FBN2: variants seen among roughly 807,000 people sequenced by gnomAD.
The protein encoded by FBN2 is fibrillin 2, also known as fibrillin-2.
Under a neutral mutation model 355.6 loss-of-function variants are expected in FBN2, and 105 were observed. That is an observed-to-expected ratio of 0.30 (90% CI 0.25 to 0.35). The LOEUF is 0.35. Ranked by LOEUF, FBN2 falls within the 10% of genes least tolerant of loss-of-function variation. FBN2 has a pLI of 1.00. For synonymous variants in FBN2, 1,350 were observed against 1,301.2 expected (o/e 1.04, Z -0.81); for missense variants, 3,280 against 3,758.7 (o/e 0.87, Z 3.33).
chr5:128,361,660 T>C (rs1468873282), intron 19 of FBN2, 63 bp downstream of exon 19: 8 of 1,551,488 alleles, frequency 5.2e-6, no homozygotes, highest in Middle Eastern at 1.7e-4. Context: ...ATCACTGTAA[T>C]TGATGTTTAT....
In FBN2 at chr5:128,536,385, C is replaced by T. The variant is rs1230245201; in HGVS notation, c.337+17G>A. 6.2e-7 allele frequency: 1 copy of T among 1,610,300 alleles called. No homozygotes were observed. The highest frequency in any genetic ancestry group is 2.2e-5 in the East Asian group (1 of 44,874). Reference sequence around the variant, plus strand: ...CGAGTGCGCTGCCCCAAGCTGCGATCCCTGCCAAGCACTCACGGACAATGC... The same window carrying T: ...CGAGTGCGCTGCCCCAAGCTGCGATTCCTGCCAAGCACTCACGGACAATGC... On this transcript the variant is annotated intron_variant, in intron 2 of 64. Transcript: ENST00000262464.
intron 7 of FBN2, among the ~76,000 whole-genome samples, chr5:128,442,968 C>T (rs890316155): frequency 1.3e-5 from 2 of 152,048 alleles, no homozygotes; most frequent in African/African-American, 2.4e-5. Context: ...TGAATGCTGC[C>T]CCCAGCATTA....
chr5:128,261,904 G>A lies in FBN2; in HGVS notation c.8196C>T (p.His2732=), dbSNP rs780426123. ...TGTTAAATCCCATTCCTGAGACACAGTGGCTATTTGCAAAAAGCAAAGTAT... is the reference window on the plus strand; with the variant it reads ...TGTTAAATCCCATTCCTGAGACACAATGGCTATTTGCAAAAAGCAAAGTAT... ...PPGYYRVGQG[H]CVSGMGFNKG... Residue 2732 remains histidine, a synonymous_variant, in exon 64 of 65, where the codon CAC becomes CAT. Coordinates refer to ENST00000262464, the MANE Select transcript of FBN2 (RefSeq NM_001999.4). 6.8e-6 allele frequency: 11 copies of A among 1,613,764 alleles called. No homozygotes were observed. Among genetic ancestry groups the A allele is most frequent in the Non-Finnish European group, 9.3e-6 (11 of 1,179,746 alleles).
chr5:128,523,929 T>C (rs1756500724), intron 4 of FBN2, among the ~76,000 whole-genome samples: 1 of 152,064 alleles, frequency 6.6e-6, no homozygotes, highest in South Asian at 2.1e-4. Flanking sequence ...TTTCCTTTTC[T>C]CTGTTATAAT....
At chr5:128,460,124 C>G (rs1754518447) in intron 6 of FBN2, among the ~76,000 whole-genome samples, 1 of 152,178 alleles carries the variant, frequency 6.6e-6, no homozygotes, top group Admixed American at 6.5e-5. Flanking sequence ...TCTCAGGATA[C>G]AAAATCGGTG....
chr5:128,454,217 G>GT (rs1262532110), intron 6 of FBN2, among the ~76,000 whole-genome samples: 1 of 152,134 alleles, frequency 6.6e-6, no homozygotes, highest in Non-Finnish European at 1.5e-5. Context: ...CTCATCACTG[G>GT]TTTTGTTCCA....
intron 21 of FBN2, among the ~76,000 whole-genome samples, chr5:128,350,326 G>A (rs1424641504): frequency 6.6e-6 from 1 of 152,292 alleles, no homozygotes; most frequent in South Asian, 2.1e-4. Context: ...TTGGGAGGGT[G>A]GATTACTTGA....
At chr5:128,330,487 T>A in intron 33 of FBN2, 86 bp downstream of exon 33, 1 of 1,459,126 alleles carries the variant, frequency 6.9e-7, no homozygotes. Context: ...TTTTGTCTCC[T>A]TTAATTATAA....
intron 6 of FBN2, among the ~76,000 whole-genome samples, chr5:128,455,630 A>G (rs1337406242): frequency 6.6e-6 from 1 of 152,106 alleles, no homozygotes; most frequent in Admixed American, 6.5e-5. Flanking sequence ...AAAGTTGACT[A>G]GAAGGCTGGC....
In FBN2 at chr5:128,334,599, C is replaced by T. The variant is rs1750785668; in HGVS notation, c.4099+120G>A. 5 of 1,051,246 alleles carry T rather than the reference C, an allele frequency of 4.8e-6. No homozygotes were observed. In the East Asian group the frequency reaches 9.6e-5, roughly 20 times the overall value. The allele number at this position is 1,051,246 out of a possible 1,614,324, so 65.1% of individuals were successfully genotyped here. A position where few individuals can be genotyped will look rare whatever the true frequency, so the allele number is the denominator to read the frequency against. ...CTATAGGTCACACACTCATCACACA[C>T]ACAGTCACAGTCTGGTGGCAGGTAA... On this transcript the variant is annotated intron_variant, in intron 31 of 64. Coordinates refer to ENST00000262464, the MANE Select transcript of FBN2 (RefSeq NM_001999.4).
intron 55 of FBN2, 94 bp downstream of exon 55, chr5:128,286,624 G>T: frequency 6.9e-7 from 1 of 1,440,404 alleles, no homozygotes. Context: ...TGGAAAAAGA[G>T]TTGGCTTGCA....
chr5:128,394,155 T>C, intron 9 of FBN2, among the ~76,000 whole-genome samples: 1 of 152,208 alleles, frequency 6.6e-6, no homozygotes, highest in East Asian at 1.9e-4. Flanking sequence ...CTGTTAACAG[T>C]ACATATTGGC....
intron 16 of FBN2, among the ~76,000 whole-genome samples, chr5:128,368,824 C>T (rs1751854148): frequency 6.6e-6 from 1 of 151,114 alleles, no homozygotes. Flanking sequence ...GTGTGTGCCA[C>T]CACACCCAGC....
chr5:128,497,754 A>G (rs1285482209), intron 5 of FBN2, among the ~76,000 whole-genome samples: 3 of 152,202 alleles, frequency 2.0e-5, no homozygotes, highest in Non-Finnish European at 4.4e-5. Flanking sequence ...AATTAACACA[A>G]AATCTCCAAA....
intron 20 of FBN2, among the ~76,000 whole-genome samples, chr5:128,356,407 A>C (rs1751504379): frequency 6.6e-6 from 1 of 152,282 alleles, no homozygotes; most frequent in South Asian, 2.1e-4. Flanking sequence ...GTCTTCGACA[A>C]ATATGAAACT....
intron 5 of FBN2, among the ~76,000 whole-genome samples, 155 bp downstream of exon 5, chr5:128,519,118 A>G (rs1234795275): frequency 4.6e-5 from 7 of 152,228 alleles, no homozygotes; most frequent in Admixed American, 3.9e-4. Flanking sequence ...ACTATTAGCT[A>G]TGTCTCAAAA....
chr5:128,412,306 A>G (rs1753089856), intron 7 of FBN2, among the ~76,000 whole-genome samples: 2 of 152,250 alleles, frequency 1.3e-5, no homozygotes, highest in South Asian at 4.1e-4. Context: ...TGATGGGAGC[A>G]AAATGGATAC....
chr5:128,527,594 A>T (rs557183681), intron 4 of FBN2, among the ~76,000 whole-genome samples: 1 of 152,278 alleles, frequency 6.6e-6, no homozygotes, highest in South Asian at 2.1e-4. Context: ...GGAAAAATAA[A>T]TCACAGAAAA....
At chr5:128,368,612 A>C (rs1182729165) in intron 16 of FBN2, among the ~76,000 whole-genome samples, 2 of 151,646 alleles carry the variant, frequency 1.3e-5, no homozygotes, top group African/African-American at 4.8e-5. Context: ...AACTGAGGCT[A>C]TCATGTTCAT....
Sources: allele counts gnomAD v4.1 joint callset (sites outside exome capture counted in the v4.1 genomes callset), GRCh38; gene constraint gnomAD v4.1.1; transcripts MANE v1.5; gene names NCBI Gene and HGNC (gene_info 2026-07-23, HGNC 2026-07-21).